Variants in SAMD4A observed in about 807,000 individuals in gnomAD.
SAMD4A encodes sterile alpha motif domain containing 4A.
Under a neutral mutation model 81.3 loss-of-function variants are expected in SAMD4A, and 33 were observed. The observed-to-expected ratio is 0.41, with a 90% CI of 0.31 to 0.54. SAMD4A has a LOEUF of 0.54. Among genes scored for constraint, SAMD4A ranks in the 20% least tolerant of loss-of-function variants. SAMD4A has a pLI of 0.37. For synonymous variants in SAMD4A, 389 were observed against 382.1 expected (o/e 1.02, Z -0.21); for missense variants, 854 against 951.1 (o/e 0.90, Z 1.34).
chr14:54,614,961 C>A (rs1363223856), intron 2 of SAMD4A, among the ~76,000 whole-genome samples: 2 of 152,192 alleles, frequency 1.3e-5, no homozygotes, highest in African/African-American at 4.8e-5. Flanking sequence ...ACTGCACCAT[C>A]TTTCTTTGGT....
At chr14:54,665,851 TGAAA>T (rs1250217993) in intron 2 of SAMD4A, among the ~76,000 whole-genome samples, 2 of 152,232 alleles carry the variant, frequency 1.3e-5, no homozygotes, top group Non-Finnish European at 2.9e-5. Context: ...TTCAGGCTTT[TGAAA>T]GAAAGGGGCT....
rs1231619568 is a variant in SAMD4A at position 54,790,961 on chromosome 14, C to T, written c.*2017C>T. ...TTTCGTGAGCAGAGAAGGCTTGAAT[C>T]CACAATTTCATTCGCTGAATTAAAA... On this transcript the variant is annotated 3_prime_UTR_variant, in exon 13 of 13. Transcript: ENST00000554335. The T allele has an allele frequency of 6.6e-6, 1 of 151,930 alleles. No individual in the cohort carries two copies. Among genetic ancestry groups the T allele is most frequent in the Non-Finnish European group, 1.5e-5 (1 of 68,002 alleles). 9.4% of individuals were successfully genotyped at this position (151,930 alleles called of 1,614,324 possible).
chr14:54,699,502 C>T (rs146192530), intron 2 of SAMD4A, among the ~76,000 whole-genome samples: 1 of 152,238 alleles, frequency 6.6e-6, no homozygotes, highest in East Asian at 1.9e-4. Flanking sequence ...TCAGCTGTGG[C>T]TGATCCAAGT....
intron 3 of SAMD4A, among the ~76,000 whole-genome samples, chr14:54,731,726 T>C (rs1405798095): frequency 6.6e-6 from 1 of 152,138 alleles, no homozygotes; most frequent in Non-Finnish European, 1.5e-5. Flanking sequence ...GGAAAAAAGA[T>C]TAAAGTTGCA....
At chr14:54,569,993 A>T (rs1249046295) in intron 2 of SAMD4A, among the ~76,000 whole-genome samples, 1 of 151,986 alleles carries the variant, frequency 6.6e-6, no homozygotes, top group African/African-American at 2.4e-5. Context: ...GTCACTTGGC[A>T]TTTTTTTTCC....
At chr14:54,773,738 C>G (rs755043182) in intron 9 of SAMD4A, among the ~76,000 whole-genome samples, 87 of 152,364 alleles carry the variant, frequency 5.7e-4, no homozygotes, top group Middle Eastern at 3.4e-3. Flanking sequence ...AGAACACTTG[C>G]AAACATCATC....
chr14:54,756,587 A>C (rs2038244098), intron 6 of SAMD4A, among the ~76,000 whole-genome samples: 1 of 152,218 alleles, frequency 6.6e-6, no homozygotes, highest in Non-Finnish European at 1.5e-5. Context: ...GACAGGGCTC[A>C]GCAGCTGATG....
intron 2 of SAMD4A, among the ~76,000 whole-genome samples, chr14:54,599,373 C>T (rs1238870506): frequency 6.6e-6 from 1 of 152,144 alleles, no homozygotes; most frequent in Admixed American, 6.5e-5. Flanking sequence ...TCTGTGGGTG[C>T]GATCCATTAT....
intron 7 of SAMD4A, among the ~76,000 whole-genome samples, chr14:54,762,896 G>C (rs35023647): frequency 0.35 from 51,840 of 148,572 alleles, 9,581 homozygotes; most frequent in African/African-American, 0.46. Flanking sequence ...GCTCTGTCAC[G>C]CAGGCTGGAG....
chr14:54,715,869 A>G (rs190730299), intron 3 of SAMD4A, among the ~76,000 whole-genome samples: 32 of 152,284 alleles, frequency 2.1e-4, no homozygotes, highest in Admixed American at 1.7e-3. Flanking sequence ...AAAGAAAAGA[A>G]AATTGGCAAA....
intron 2 of SAMD4A, among the ~76,000 whole-genome samples, chr14:54,673,142 T>A (rs1359953321): frequency 6.6e-6 from 1 of 152,218 alleles, no homozygotes; most frequent in African/African-American, 2.4e-5. Context: ...CAGAGCACTA[T>A]AATCCATGCT....
intron 3 of SAMD4A, among the ~76,000 whole-genome samples, chr14:54,712,431 T>C (rs1230300119): frequency 2.0e-5 from 3 of 152,228 alleles, no homozygotes; most frequent in African/African-American, 7.2e-5. Flanking sequence ...TGGCATGGTA[T>C]ATTTTTAGCT....
intron 2 of SAMD4A, among the ~76,000 whole-genome samples, chr14:54,685,274 G>T (rs1336680043): frequency 6.4e-5 from 9 of 140,338 alleles, no homozygotes; most frequent in East Asian, 2.4e-4. Context: ...CATTCTTCCT[G>T]CCCCCCCCCC....
At chr14:54,611,158 A>C (rs1278641084) in intron 2 of SAMD4A, among the ~76,000 whole-genome samples, 1 of 152,232 alleles carries the variant, frequency 6.6e-6, no homozygotes, top group Non-Finnish European at 1.5e-5. Flanking sequence ...GAGAAAAAAA[A>C]ACCTAAAAAA....
intron 2 of SAMD4A, among the ~76,000 whole-genome samples, chr14:54,592,755 G>A (rs1381241487): frequency 1.3e-5 from 2 of 152,266 alleles, no homozygotes; most frequent in Middle Eastern, 3.4e-3. Context: ...CACCGCACCC[G>A]GCCATTGTTA....
At chr14:54,602,900 T>A (rs898457368) in intron 2 of SAMD4A, among the ~76,000 whole-genome samples, 1 of 152,210 alleles carries the variant, frequency 6.6e-6, no homozygotes, top group African/African-American at 2.4e-5. Flanking sequence ...TGGGGACCAG[T>A]ATCAAGGACA....
rs1594816114 is a variant in SAMD4A, at chr14:54,690,232, G to T, written c.197-11830G>T. Among the ~76,000 whole-genome samples the T allele has an allele frequency of 2.6e-5, 4 of 152,230 alleles. No individual in the cohort carries two copies. In the South Asian group the frequency reaches 6.2e-4, roughly 24 times the overall value. On this transcript the variant is annotated intron_variant, in intron 2 of 12. Coordinates refer to ENST00000554335, the MANE Select transcript of SAMD4A (RefSeq NM_015589.6). ...GAAAAGGCAATGAGGGCCCAAATGG[G>T]TAAATGGCATTTGGGGAGAGAGGTG...
chr14:54,714,949 A>G (rs897806884), intron 3 of SAMD4A, among the ~76,000 whole-genome samples: 1 of 152,192 alleles, frequency 6.6e-6, no homozygotes, highest in Non-Finnish European at 1.5e-5. Flanking sequence ...ATATATTACT[A>G]AATACTTTAA....
At chr14:54,685,099 AT>A (rs145516979) in intron 2 of SAMD4A, among the ~76,000 whole-genome samples, 4 of 152,118 alleles carry the variant, frequency 2.6e-5, no homozygotes, top group African/African-American at 7.2e-5. Flanking sequence ...ATCTTTTTGT[AT>A]TTTTTTATCA....
Sources: gnomAD v4.1 joint callset for allele counts (sites outside exome capture counted in the v4.1 genomes callset) on GRCh38, gnomAD v4.1.1 for gene constraint, MANE v1.5 for transcripts, NCBI Gene and HGNC (gene_info 2026-07-23, HGNC 2026-07-21) for gene names.